VPS37A: variants seen among roughly 807,000 people sequenced by gnomAD.
The protein encoded by VPS37A is vacuolar protein sorting-associated protein 37A.
A neutral mutation model predicts 49.8 loss-of-function variants in VPS37A; 30 were observed. The observed-to-expected ratio is 0.60, with a 90% CI of 0.45 to 0.82. The LOEUF is 0.82. VPS37A is among the 40% of genes least tolerant of loss of function. The pLI, the probability that VPS37A is intolerant of heterozygous loss-of-function variation, is 0.00. For missense variants in VPS37A, 593 were observed against 464.4 expected, an observed-to-expected ratio of 1.28 and a Z score of -2.55; for synonymous variants, 195 against 160.6, an observed-to-expected ratio of 1.21 and a Z score of -1.62.
intron 1 of VPS37A, among the ~76,000 whole-genome samples, chr8:17,262,743 T>C (rs1813072720): frequency 6.6e-6 from 1 of 152,116 alleles, no homozygotes; most frequent in African/African-American, 2.4e-5. Context: ...TATGACCATA[T>C]ACTACAACAT....
chr8:17,289,610 G>C (rs952032939), intron 11 of VPS37A, among the ~76,000 whole-genome samples: 1 of 152,144 alleles, frequency 6.6e-6, no homozygotes, highest in African/African-American at 2.4e-5. Flanking sequence ...TAGTCTTGTA[G>C]TATAGTTTGA....
intron 6 of VPS37A, among the ~76,000 whole-genome samples, chr8:17,278,841 T>G (rs1055310495): frequency 2.1e-4 from 32 of 152,232 alleles, no homozygotes; most frequent in African/African-American, 7.7e-4. Context: ...AGCAGTCCAT[T>G]TTCCCTGAAT....
rs1036921024 is a variant in VPS37A at position 17,297,392 on chromosome 8, G to A, written c.*2406G>A. The A allele has an allele frequency of 1.3e-5, 2 of 152,022 alleles. No individual in the cohort carries two copies. The highest frequency in any genetic ancestry group is 4.8e-5 in the African/African-American group (2 of 41,414). The allele number at this position is 152,022 out of a possible 1,614,324, so 9.4% of individuals were successfully genotyped here. On this transcript the variant is annotated 3_prime_UTR_variant, in exon 12 of 12. Coordinates refer to ENST00000324849, the MANE Select transcript of VPS37A (RefSeq NM_152415.3). ...TAGAGGGTGCTTGACACATATATAT[G>A]CTTAAATTGAAGGACAGCTCAGATT...
chr8:17,325,536 C>G, the VPS37A span, among the ~76,000 whole-genome samples: 1 of 152,166 alleles, frequency 6.6e-6, no homozygotes, highest in Non-Finnish European at 1.5e-5. Flanking sequence ...ATCTGCTTGG[C>G]CCCCTTTCAT....
At chr8:17,251,461 T>C (rs1214276991) in intron 1 of VPS37A, among the ~76,000 whole-genome samples, 1 of 152,220 alleles carries the variant, frequency 6.6e-6, no homozygotes, top group African/African-American at 2.4e-5. Context: ...ATAGGACGAA[T>C]TACATTCCTT....
chr8:17,261,679 C>G (rs1812975743), intron 1 of VPS37A, among the ~76,000 whole-genome samples: 1 of 152,150 alleles, frequency 6.6e-6, no homozygotes, highest in Admixed American at 6.5e-5. Flanking sequence ...GCACTTTAAA[C>G]CCAGGTTTGC....
the VPS37A span, chr8:17,311,499 G>A: frequency 6.2e-7 from 1 of 1,614,042 alleles, no homozygotes; most frequent in Non-Finnish European, 8.5e-7. Flanking sequence ...ATCGCCCAGT[G>A]GCCACACTCA....
At position 17,256,290 on chromosome 8, in the gene VPS37A, A is replaced by ATTTTTT. The variant is rs529736602; in HGVS notation, c.125+8944_125+8949dup. ...AAGTCTTTTTAGCTGGGGTAAAATGATTTTTTTTTTTTTTTTTTTTTTTTT... is the reference window on the plus strand; with the variant it reads ...AAGTCTTTTTAGCTGGGGTAAAATGATTTTTTTTTTTTTTTTTTTTTTTTTTTTTTT... On this transcript the variant is annotated intron_variant, in intron 1 of 11. Coordinates refer to ENST00000324849, the MANE Select transcript of VPS37A (RefSeq NM_152415.3). Among the ~76,000 whole-genome samples the ATTTTTT allele has an allele frequency of 5.6e-4, 34 of 60,402 alleles. 3 individuals carry two copies. The highest frequency in any genetic ancestry group is 2.0e-3 in the African/African-American group (28 of 13,738). 39.6% of individuals were successfully genotyped at this position (60,402 alleles called of 152,430 possible).
chr8:17,324,283 A>C, the VPS37A span, among the ~76,000 whole-genome samples: 1 of 152,194 alleles, frequency 6.6e-6, no homozygotes, highest in African/African-American at 2.4e-5. Flanking sequence ...TCTGCGATAA[A>C]TGTCCCGGCT....
downstream of VPS37A, among the ~76,000 whole-genome samples, chr8:17,301,067 A>G (rs1817078799): frequency 6.6e-6 from 1 of 152,234 alleles, no homozygotes; most frequent in African/African-American, 2.4e-5. Flanking sequence ...GCCAGATTTC[A>G]TGTTTTGATG....
chr8:17,331,763 T>A, the VPS37A span, among the ~76,000 whole-genome samples: 1 of 152,238 alleles, frequency 6.6e-6, no homozygotes, highest in Non-Finnish European at 1.5e-5. Context: ...CATTCTAATT[T>A]GCCCACAAGA....
intron 2 of VPS37A, among the ~76,000 whole-genome samples, chr8:17,267,471 G>GTA (rs1813579352): frequency 6.6e-6 from 1 of 151,930 alleles, no homozygotes; most frequent in African/African-American, 2.4e-5. Context: ...TTCTGCTTGT[G>GTA]TGTGTGTGTG....
chr8:17,269,717 C>A (rs1260214059), intron 4 of VPS37A, among the ~76,000 whole-genome samples: 3 of 152,122 alleles, frequency 2.0e-5, no homozygotes, highest in Admixed American at 6.5e-5. Flanking sequence ...TTGCCACTTT[C>A]TTGTATTGGA....
At chr8:17,298,222 G>A (rs1267183383), downstream of VPS37A, 1 of 151,920 alleles carries the variant, frequency 6.6e-6, no homozygotes, top group Non-Finnish European at 1.5e-5. Context: ...TTTTATTTTA[G>A]CAAGGTATTC....
chr8:17,301,287 G>A (rs1259979413), downstream of VPS37A, among the ~76,000 whole-genome samples: 4 of 152,180 alleles, frequency 2.6e-5, no homozygotes, highest in Admixed American at 1.3e-4. Context: ...CTTGAAGAGG[G>A]ATGAAGTGGT....
chr8:17,301,877 C>T (rs562022390), downstream of VPS37A: 2 of 420,478 alleles, frequency 4.8e-6, no homozygotes, highest in Non-Finnish European at 8.3e-6. Flanking sequence ...AATTTTACTA[C>T]TCTCAAATAA....
intron 9 of VPS37A, among the ~76,000 whole-genome samples, chr8:17,282,719 G>T (rs1193694405): frequency 2.0e-5 from 3 of 151,980 alleles, no homozygotes; most frequent in Non-Finnish European, 4.4e-5. Flanking sequence ...ATTGCTGGAA[G>T]TGACTCTTCA....
At position 17,268,294 on chromosome 8, in the gene VPS37A, G is replaced by GA; in HGVS notation, c.238dup (p.Ile80AsnfsTer14). 6.2e-7 allele frequency: 1 copy of GA among 1,613,104 alleles called. No individual in the cohort carries two copies. Among genetic ancestry groups the GA allele is most frequent in the Non-Finnish European group, 8.5e-7 (1 of 1,179,740 alleles). On this transcript the variant is annotated frameshift_variant, in exon 3 of 12. Transcript: ENST00000324849. LOFTEE classifies it high-confidence loss of function. The stretch of plus-strand genomic sequence containing the variant: ...CACAGTTTCCTCAGGAAAAACCAGT[G>GA]ATCAGTGTTTATCCACCAATACGAC...
Position 17,295,687 on chromosome 8 carries a change from A to T in VPS37A, c.*701A>T, listed in dbSNP as rs1816565919. The T allele has an allele frequency of 6.6e-6, 1 of 152,422 alleles. No individual in the cohort carries two copies. The highest frequency in any genetic ancestry group is 2.1e-4 in the South Asian group (1 of 4,828). 9.4% of individuals were successfully genotyped at this position (152,422 alleles called of 1,614,324 possible). On this transcript the variant is annotated 3_prime_UTR_variant, in exon 12 of 12. Coordinates refer to ENST00000324849, the MANE Select transcript of VPS37A (RefSeq NM_152415.3). ...TTAAACCATTCCAACAGAAATTCTT[A>T]TGCTAATTTAAAACATATATATATC...
Sources: allele counts gnomAD v4.1 joint callset (sites outside exome capture counted in the v4.1 genomes callset), GRCh38; gene constraint gnomAD v4.1.1; transcripts MANE v1.5; gene names NCBI Gene and HGNC (gene_info 2026-07-23, HGNC 2026-07-21).